DOT1L: variants seen among roughly 807,000 people sequenced by gnomAD.
DOT1L encodes histone-lysine N-methyltransferase, H3 lysine-79 specific.
Under a neutral mutation model 153.3 loss-of-function variants are expected in DOT1L, and 33 were observed. That is an observed-to-expected ratio of 0.22 (90% confidence interval 0.16 to 0.29). DOT1L has a LOEUF of 0.29. DOT1L is among the 10% of genes least tolerant of loss of function. The pLI, the probability that DOT1L is intolerant of heterozygous loss-of-function variation, is 1.00. For synonymous variants in DOT1L, 1,135 were observed against 965.1 expected (o/e 1.18, Z -3.26); for missense variants, 1,847 against 2,119.9 (o/e 0.87, Z 2.53).
At position 2,207,406 on chromosome 19, in the gene DOT1L, C is replaced by A. The variant is rs987563234; in HGVS notation, c.857-168C>A. ...AGGCCAGGTGGTGTTGAATGGTGCA[C>A]CTCCCTGGGCCGGCCTCTGTGGGCC... is the stretch of plus-strand genomic sequence containing the variant. On this transcript the variant is annotated intron_variant, in intron 10 of 27. Coordinates refer to ENST00000398665, the MANE Select transcript of DOT1L (RefSeq NM_032482.3). This position sits in a 1 kb window ranked among gnomAD's most constrained non-coding sequence, Gnocchi z 4.5. 7.9e-5 allele frequency among the ~76,000 whole-genome samples: 12 copies of A among 152,290 alleles called. No individual in the cohort carries two copies. Among genetic ancestry groups the A allele is most frequent in the African/African-American group, 2.2e-4 (9 of 41,560 alleles).
chr19:2,181,683 T>C (rs1222396135), intron 2 of DOT1L, among the ~76,000 whole-genome samples: 2 of 152,098 alleles, frequency 1.3e-5, no homozygotes, highest in Non-Finnish European at 2.9e-5. Context: ...CCTCTGTTCT[T>C]TGTAAAAGAA....
At chr19:2,229,011 C>T in intron 27 of DOT1L, 3 of 985,462 alleles carry the variant, frequency 3.0e-6, no homozygotes, top group South Asian at 9.4e-5. Context: ...GGCCCCCTTG[C>T]TGGACACGGC....
At chr19:2,214,361 A>C (rs2023825323) in intron 18 of DOT1L, 110 bp from the exon 19 acceptor site, 2 of 1,508,780 alleles carry the variant, frequency 1.3e-6, no homozygotes, top group Non-Finnish European at 8.9e-7. Flanking sequence ...CTGTGCCCTA[A>C]GCACACATGC....
At position 2,208,854 on chromosome 19, in the gene DOT1L, C is replaced by A; in HGVS notation, c.964-81C>A. On this transcript the variant is annotated intron_variant, in intron 11 of 27. Coordinates refer to ENST00000398665, the MANE Select transcript of DOT1L (RefSeq NM_032482.3). The surrounding 1 kb of genome is among the most constrained non-coding windows in gnomAD (Gnocchi z 4.4). ...GCCTCCCCAGCCACTGTCCAGGTTG[C>A]TGTTGTTACCTGGGTGTCCAGACAA... is the stretch of plus-strand genomic sequence containing the variant. 6.9e-7 allele frequency: 1 copy of A among 1,439,632 alleles called. No individual in the cohort carries two copies. Among genetic ancestry groups the A allele is most frequent in the South Asian group, 1.2e-5 (1 of 81,744 alleles). 89.2% of individuals were successfully genotyped at this position (1,439,632 alleles called of 1,614,324 possible).
In DOT1L at chr19:2,226,850, C is replaced by T. The variant is rs368831488; in HGVS notation, c.4329C>T (p.Gly1443=). The T allele has an allele frequency of 2.9e-4, 456 of 1,579,834 alleles. No homozygotes were observed. Among genetic ancestry groups the T allele is most frequent in the Non-Finnish European group, 3.7e-4 (428 of 1,171,442 alleles). ...CCGGAAGCCTCCTCAGCGGCCCCGG[C>T]CTGGCCCCGGCGGCGTCCTCCGCAG... is the stretch of plus-strand genomic sequence containing the variant. ...VPPGSLLSGP[G]LAPAASSAGG... Residue 1443 remains glycine, a synonymous_variant, in exon 27 of 28, where the codon GGC becomes GGT. Transcript: ENST00000398665.
intron 27 of DOT1L, chr19:2,227,878 C>T: frequency 2.4e-6 from 3 of 1,275,580 alleles, no homozygotes; most frequent in South Asian, 2.5e-5. Flanking sequence ...TCCTTTCAGG[C>T]CCCGGCCTCG....
rs758124160 is a variant in DOT1L, at chr19:2,210,862, C to T, written c.1351+7C>T. 1.2e-5 allele frequency: 19 copies of T among 1,610,734 alleles called. No individual in the cohort carries two copies. Among genetic ancestry groups the T allele is most frequent in the African/African-American group, 8.0e-5 (6 of 74,852 alleles). ...GCGGCCTCCTCACCCCAGGGTGAGCCGCCCCCACGCCACGGCCCCCGCTCT... is the reference window on the plus strand; with the variant it reads ...GCGGCCTCCTCACCCCAGGGTGAGCTGCCCCCACGCCACGGCCCCCGCTCT... On this transcript the variant is annotated splice_region_variant and intron_variant, in intron 14 of 27. Coordinates refer to ENST00000398665, the MANE Select transcript of DOT1L (RefSeq NM_032482.3).
chr19:2,181,271 G>C (rs2022218256), intron 2 of DOT1L, among the ~76,000 whole-genome samples: 1 of 152,230 alleles, frequency 6.6e-6, no homozygotes, highest in African/African-American at 2.4e-5. Context: ...CATTCTGCGT[G>C]TCTCAGGTGC....
At chr19:2,192,968 G>A (rs1240331773) in intron 5 of DOT1L, among the ~76,000 whole-genome samples, 1 of 152,198 alleles carries the variant, frequency 6.6e-6, no homozygotes, top group Non-Finnish European at 1.5e-5. Flanking sequence ...TGGTGGCGGC[G>A]GTCTGTGCCC....
intron 2 of DOT1L, 59 bp downstream of exon 2, chr19:2,180,815 C>G: frequency 1.3e-6 from 2 of 1,596,936 alleles, no homozygotes; most frequent in Non-Finnish European, 1.7e-6. Context: ...CCGTGGACAC[C>G]CGTGCCCTGC....
rs780498768 is a variant in DOT1L at position 2,226,300 on chromosome 19, C to T, written c.3779C>T (p.Pro1260Leu). Residue 1260 changes from proline (P) to leucine (L), a missense_variant, in exon 27 of 28, where the codon CCG (proline) becomes CTG (leucine). Pro to Leu is a moderately conservative substitution (Grantham distance 98, BLOSUM62 -3). Coordinates refer to ENST00000398665, the MANE Select transcript of DOT1L (RefSeq NM_032482.3). ...DIGLAKSADS[P>L]LQASSALSQN... ...GGCCTGGCCAAGTCGGCGGACAGCC[C>T]GCTGCAGGCCAGCTCCGCCCTCAGC... 3.3e-5 allele frequency: 53 copies of T among 1,597,508 alleles called. No individual in the cohort carries two copies. The highest frequency in any genetic ancestry group is 1.7e-4 in the Middle Eastern group (1 of 6,050).
intron 1 of DOT1L, among the ~76,000 whole-genome samples, chr19:2,172,506 T>TC (rs2021695250): frequency 6.7e-6 from 1 of 149,600 alleles, no homozygotes; most frequent in Non-Finnish European, 1.5e-5. Flanking sequence ...TTTCTTTCTT[T>TC]CTTTTTTTTT....
At chr19:2,218,264 C>G (rs1327915345) in intron 22 of DOT1L, among the ~76,000 whole-genome samples, 1 of 152,260 alleles carries the variant, frequency 6.6e-6, no homozygotes, top group Non-Finnish European at 1.5e-5. Context: ...TGGGTTCTCC[C>G]ACCCAGCGCT....
Position 2,226,737 on chromosome 19 carries a change from C to G in DOT1L, c.4216C>G (p.Leu1406Val), listed in dbSNP as rs758414948. The G allele has an allele frequency of 9.6e-6, 15 of 1,558,498 alleles. No homozygotes were observed. The highest frequency in any genetic ancestry group is 2.3e-5 in the East Asian group (1 of 43,872). ...CGGGCCCACGGACAAGACCCCACTGCTGAGCGGCAAGGCCGCCAAGGCCCG... is the reference window on the plus strand; with the variant it reads ...CGGGCCCACGGACAAGACCCCACTGGTGAGCGGCAAGGCCGCCAAGGCCCG... Reference protein sequence around the residue: ...LCGPTDKTPLLSGKAAKARDR... With the variant: ...LCGPTDKTPLVSGKAAKARDR... Residue 1406 changes from leucine to valine, a missense_variant, in exon 27 of 28, where the codon CTG becomes GTG. By Grantham distance (32) the Leu-to-Val change is conservative (BLOSUM62 1). This residue lies in a region of DOT1L where 934 missense variants were observed against 825.3 expected (regional missense o/e 1.13). Transcript: ENST00000398665.
intron 27 of DOT1L, 54 bp from the exon 28 acceptor site, chr19:2,229,731 C>T (rs2024516872): frequency 6.2e-7 from 1 of 1,611,558 alleles, no homozygotes; most frequent in Non-Finnish European, 8.5e-7. Flanking sequence ...GTGTTGGGCT[C>T]CCCCAGGCGC....
Position 2,204,198 on chromosome 19 carries a change from C to T in DOT1L, c.787+1419C>T, listed in dbSNP as rs1230352706. 6.7e-6 allele frequency among the ~76,000 whole-genome samples: 1 copy of T among 149,606 alleles called. No homozygotes were observed. Among genetic ancestry groups the T allele is most frequent in the Non-Finnish European group, 1.5e-5 (1 of 67,336 alleles). On this transcript the variant is annotated intron_variant, in intron 9 of 27. Coordinates refer to ENST00000398665, the MANE Select transcript of DOT1L (RefSeq NM_032482.3). This position sits in a 1 kb window ranked among gnomAD's most constrained non-coding sequence, Gnocchi z 5.7. Reference sequence around the variant, plus strand: ...GCGTGTCTCTGTGTGCGTGCCTGTGCGTGCCTGTGTCTGCATGTCTGTGCC... The same window carrying T: ...GCGTGTCTCTGTGTGCGTGCCTGTGTGTGCCTGTGTCTGCATGTCTGTGCC...
At position 2,194,546 on chromosome 19, in the gene DOT1L, A is replaced by G. The variant is rs2022935457; in HGVS notation, c.620A>G (p.Lys207Arg). Residue 207 changes from lysine (K) to arginine (R), a missense_variant, in exon 7 of 28, where the codon AAA (lysine) becomes AGA (arginine). Coordinates refer to ENST00000398665, the MANE Select transcript of DOT1L (RefSeq NM_032482.3). ...GACCGCGAGTTCAGGAAGTGGATGA[A>G]ATGGTATGGAAAAAAGCATGCAGAA... ...TMDREFRKWM[K>R]WYGKKHAEYT... 3 of 1,613,552 alleles carry G rather than the reference A, an allele frequency of 1.9e-6. No individual in the cohort carries two copies. Among genetic ancestry groups the G allele is most frequent in the South Asian group, 1.1e-5 (1 of 91,082 alleles).
intron 7 of DOT1L, among the ~76,000 whole-genome samples, 181 bp downstream of exon 7, chr19:2,194,758 G>A (rs934340624): frequency 1.3e-5 from 2 of 152,178 alleles, no homozygotes; most frequent in African/African-American, 4.8e-5. Context: ...GGCAGCAGGC[G>A]CCTCTGTTGG....
chr19:2,211,692 C>T (rs2023721083), intron 15 of DOT1L, 59 bp from the exon 16 acceptor site: 1 of 1,453,128 alleles, frequency 6.9e-7, no homozygotes. Flanking sequence ...GCTGCTCCCA[C>T]CTCTTCCCTC....
Sources: allele counts gnomAD v4.1 joint callset (sites outside exome capture counted in the v4.1 genomes callset), GRCh38; gene constraint gnomAD v4.1.1; regional missense constraint gnomAD v4.1.1; non-coding constraint Gnocchi (gnomAD v3.1); transcripts MANE v1.5; gene names NCBI Gene and HGNC (gene_info 2026-07-23, HGNC 2026-07-21).